RBMS1: variants seen among roughly 807,000 people sequenced by gnomAD.
RBMS1 encodes the protein RNA binding motif single stranded interacting protein 1.
In RBMS1, 17 loss-of-function variants were observed where a neutral mutation model predicts 62.3. The observed-to-expected ratio is 0.27, with a 90% CI of 0.19 to 0.41. The LOEUF (loss-of-function observed/expected upper bound fraction) is 0.41, where lower values mean the gene tolerates loss of function less well. RBMS1 is among the 10% of genes least tolerant of loss of function. The pLI, the probability that RBMS1 is intolerant of heterozygous loss-of-function variation, is 1.00. For synonymous variants in RBMS1, 172 were observed against 170.0 expected, an observed-to-expected ratio of 1.01 and a Z score of -0.09; for missense variants, 334 against 504.5, an observed-to-expected ratio of 0.66 and a Z score of 3.24.
chr2:160,297,179 A>G (rs1167961847), intron 6 of RBMS1, among the ~76,000 whole-genome samples: 1 of 152,244 alleles, frequency 6.6e-6, no homozygotes, highest in South Asian at 2.1e-4. Flanking sequence ...CCAGCTAAAC[A>G]TAAGATGACT....
chr2:160,367,682 C>CA (rs1285731155), intron 1 of RBMS1, among the ~76,000 whole-genome samples: 1 of 152,110 alleles, frequency 6.6e-6, no homozygotes, highest in Admixed American at 6.5e-5. Context: ...ATCTGAGACT[C>CA]AAAACGTGCA....
chr2:160,431,517 T>A (rs62177357), intron 1 of RBMS1, among the ~76,000 whole-genome samples: 3,812 of 152,254 alleles, frequency 0.025, 70 homozygotes, highest in Middle Eastern at 0.061. Flanking sequence ...AGATTAAGCA[T>A]CTTCTACTTG....
At chr2:160,335,951 A>G (rs1418034196) in intron 2 of RBMS1, among the ~76,000 whole-genome samples, 1 of 152,196 alleles carries the variant, frequency 6.6e-6, no homozygotes, top group Non-Finnish European at 1.5e-5. Flanking sequence ...ACTGCAAATT[A>G]ATTCAAACCT....
intron 1 of RBMS1, among the ~76,000 whole-genome samples, chr2:160,390,891 C>A (rs115285316): frequency 2.7e-5 from 4 of 147,240 alleles, no homozygotes; most frequent in Admixed American, 6.8e-5. Context: ...AAACAACCAC[C>A]AAAAAAAAAA....
At chr2:160,440,795 T>A (rs1443024057) in intron 1 of RBMS1, among the ~76,000 whole-genome samples, 1 of 152,212 alleles carries the variant, frequency 6.6e-6, no homozygotes, top group Non-Finnish European at 1.5e-5. Context: ...ACTTACAACA[T>A]CTTCTCACAT....
intron 2 of RBMS1, among the ~76,000 whole-genome samples, chr2:160,322,707 C>CA (rs1249096345): frequency 6.6e-6 from 1 of 152,150 alleles, no homozygotes; most frequent in Non-Finnish European, 1.5e-5. Flanking sequence ...GCTGTCCACT[C>CA]AATTATACCA....
At chr2:160,319,534 A>T (rs935380078) in intron 2 of RBMS1, among the ~76,000 whole-genome samples, 8 of 152,106 alleles carry the variant, frequency 5.3e-5, no homozygotes, top group African/African-American at 1.9e-4. Flanking sequence ...AAACAAATCA[A>T]ATCAAAGTAA....
chr2:160,285,480 C>T (rs1368478012), intron 7 of RBMS1, among the ~76,000 whole-genome samples: 1 of 152,096 alleles, frequency 6.6e-6, no homozygotes, highest in Admixed American at 6.5e-5. Context: ...CAGAGAGCCA[C>T]CTGTGGCTGG....
intron 10 of RBMS1, 109 bp downstream of exon 10, chr2:160,281,204 GT>G: frequency 1.4e-6 from 1 of 722,396 alleles, no homozygotes; most frequent in Admixed American, 3.2e-5. Flanking sequence ...CATATTCCAT[GT>G]TTAAAATTTC....
At chr2:160,413,255 T>C (rs527861201) in intron 1 of RBMS1, among the ~76,000 whole-genome samples, 114 of 152,264 alleles carry the variant, frequency 7.5e-4, no homozygotes, top group African/African-American at 2.4e-3. Context: ...GGTTAGTATA[T>C]GCAGTTCACA....
intron 1 of RBMS1, among the ~76,000 whole-genome samples, chr2:160,479,974 A>C (rs367957690): frequency 5.3e-5 from 8 of 152,170 alleles, no homozygotes; most frequent in African/African-American, 1.7e-4. Flanking sequence ...AATATAAAGC[A>C]TGAAAAAAAT....
intron 1 of RBMS1, among the ~76,000 whole-genome samples, chr2:160,438,257 CTTTCTTT>C (rs1683198684): frequency 2.1e-5 from 3 of 142,600 alleles, no homozygotes; most frequent in Admixed American, 7.6e-5. Context: ...AGGCTCAATA[CTTTCTTT>C]TTTTTTTTTT....
chr2:160,308,836 T>C (rs1435061449), intron 4 of RBMS1, among the ~76,000 whole-genome samples: 1 of 152,200 alleles, frequency 6.6e-6, no homozygotes, highest in African/African-American at 2.4e-5. Flanking sequence ...ACACGACATA[T>C]AGTGCCAATA....
intron 1 of RBMS1, among the ~76,000 whole-genome samples, chr2:160,426,301 G>GAAAGAAAA (rs1559537559): frequency 1.7e-4 from 5 of 28,582 alleles, no homozygotes; most frequent in Admixed American, 4.5e-4. Context: ...AAAGAAAGAA[G>GAAAGAAAA]GAAGGAAGGA....
intron 1 of RBMS1, among the ~76,000 whole-genome samples, chr2:160,367,775 T>C (rs1693491781): frequency 3.3e-5 from 5 of 152,178 alleles, no homozygotes; most frequent in Admixed American, 2.0e-4. Context: ...CTGAAGAACG[T>C]TTGATTGAAA....
At chr2:160,488,050 T>C (rs1685669765) in intron 1 of RBMS1, among the ~76,000 whole-genome samples, 1 of 152,220 alleles carries the variant, frequency 6.6e-6, no homozygotes, top group Non-Finnish European at 1.5e-5. Context: ...CTCTCTACAC[T>C]CTTCTATTGA....
At chr2:160,338,687 C>G (rs1031871839) in intron 2 of RBMS1, among the ~76,000 whole-genome samples, 2 of 152,130 alleles carry the variant, frequency 1.3e-5, no homozygotes, top group Non-Finnish European at 2.9e-5. Flanking sequence ...TACCACAACA[C>G]CTTTGACATA....
At chr2:160,475,336 G>A (rs761710612) in intron 1 of RBMS1, among the ~76,000 whole-genome samples, 6 of 152,080 alleles carry the variant, frequency 3.9e-5, no homozygotes, top group Admixed American at 1.3e-4. Flanking sequence ...CTCCTCTCTC[G>A]GGCTTCCTAT....
intron 1 of RBMS1, among the ~76,000 whole-genome samples, chr2:160,414,846 C>CAA (rs11404886): frequency 1.3e-4 from 17 of 128,112 alleles, no homozygotes; most frequent in Admixed American, 5.0e-4. Context: ...GACCCTGTCT[C>CAA]AAAAAAAAAA....
Sources: gnomAD v4.1 joint callset for allele counts (sites outside exome capture counted in the v4.1 genomes callset) on GRCh38, gnomAD v4.1.1 for gene constraint, MANE v1.5 for transcripts, NCBI Gene and HGNC (gene_info 2026-07-23, HGNC 2026-07-21) for gene names.